Variants in XKR9 observed in about 807,000 individuals in gnomAD.
XKR9 encodes XK related 9.
XKR9 carries 32 observed loss-of-function variants against 32.0 expected under a neutral mutation model. The ratio of observed to expected loss-of-function variants is 1.00; its 90% CI spans 0.76 to 1.34. XKR9 has a LOEUF of 1.34. XKR9 is among the 40% of genes most tolerant of loss of function. The probability of loss-of-function intolerance (pLI) is 0.00; values close to 1 mark genes in which losing one functional copy is unlikely to be tolerated. For synonymous variants in XKR9, 168 were observed against 143.4 expected (o/e 1.17, Z -1.22); for missense variants, 546 against 429.7 (o/e 1.27, Z -2.39).
chr8:70,783,591 G>T (rs746496530), intron 2 of XKR9, among the ~76,000 whole-genome samples: 19 of 152,010 alleles, frequency 1.2e-4, no homozygotes, highest in Admixed American at 8.5e-4. Context: ...TGAGCTCCTT[G>T]TATATTTTGG....
At position 70,748,321 on chromosome 8, in the gene XKR9, C is replaced by T. The variant is rs78173752; in HGVS notation, n.353-41018C>T. Among the ~76,000 whole-genome samples, 62 of 152,292 alleles carry T rather than the reference C, an allele frequency of 4.1e-4. 1 individual carries two copies. The East Asian group carries it at 4.8e-3, about 12-fold the overall frequency. On this transcript the variant is annotated intron_variant and non_coding_transcript_variant, in intron 2 of 3. Coordinates refer to the XKR9 transcript ENST00000520273. ...CTCTAGACCTGGGCATCCCTGCACT[C>T]GCAGGGGCCCAGGAAGCCCCCTTCC...
intron 2 of XKR9, among the ~76,000 whole-genome samples, chr8:70,772,284 C>T (rs1202775146): frequency 6.6e-6 from 1 of 152,156 alleles, no homozygotes; most frequent in Admixed American, 6.5e-5. Context: ...TGGATATTTG[C>T]TGATCTCTGA....
downstream of XKR9, among the ~76,000 whole-genome samples, chr8:70,737,055 C>T (rs13256204): frequency 9.3e-5 from 14 of 151,066 alleles, no homozygotes; most frequent in Admixed American, 2.6e-4. Flanking sequence ...AAATTACCTT[C>T]GGCAGTATGG....
chr8:70,969,040 C>G, the XKR9 span, among the ~76,000 whole-genome samples: 2 of 152,160 alleles, frequency 1.3e-5, no homozygotes, highest in African/African-American at 4.8e-5. Flanking sequence ...GCAGGCTAGA[C>G]AGAGTACAAT....
intron 2 of XKR9, among the ~76,000 whole-genome samples, chr8:70,755,471 G>A (rs554255246): frequency 6.6e-6 from 1 of 152,176 alleles, no homozygotes; most frequent in African/African-American, 2.4e-5. Context: ...TATGTTTATT[G>A]TGGCATTATT....
the XKR9 span, among the ~76,000 whole-genome samples, chr8:70,974,463 A>T: frequency 1.3e-5 from 2 of 151,986 alleles, no homozygotes; most frequent in Non-Finnish European, 2.9e-5. Flanking sequence ...TTATTGTTCA[A>T]TTCCCACCTA....
the XKR9 span, among the ~76,000 whole-genome samples, chr8:70,894,249 C>T: frequency 1.3e-5 from 2 of 151,644 alleles, no homozygotes; most frequent in African/African-American, 4.8e-5. Flanking sequence ...AGACCAGGTG[C>T]AGCAACAGCA....
chr8:70,776,465 A>G (rs1242520486), intron 2 of XKR9, among the ~76,000 whole-genome samples: 1 of 152,036 alleles, frequency 6.6e-6, no homozygotes, highest in African/African-American at 2.4e-5. Flanking sequence ...ATCTTTCATG[A>G]GCTGTCTGGT....
chr8:70,785,076 G>C (rs1366933834), intron 2 of XKR9, among the ~76,000 whole-genome samples: 1 of 152,000 alleles, frequency 6.6e-6, no homozygotes, highest in Non-Finnish European at 1.5e-5. Context: ...AAGACTTTGA[G>C]AAGGGTTGGT....
the XKR9 span, among the ~76,000 whole-genome samples, chr8:71,046,181 T>C: frequency 3.9e-5 from 6 of 152,222 alleles, no homozygotes; most frequent in Admixed American, 1.3e-4. Flanking sequence ...TGGAATATAA[T>C]TGTCACTACT....
intron 2 of XKR9, among the ~76,000 whole-genome samples, chr8:70,680,206 T>G (rs549341660): frequency 8.5e-5 from 13 of 152,268 alleles, no homozygotes; most frequent in African/African-American, 2.9e-4. Context: ...GCTGCTTTAA[T>G]CTTTTTAAAG....
At chr8:70,695,897 G>A (rs1805255245) in intron 3 of XKR9, among the ~76,000 whole-genome samples, 1 of 151,156 alleles carries the variant, frequency 6.6e-6, no homozygotes, top group African/African-American at 2.4e-5. Context: ...GTATCTCATT[G>A]TGGTTTTGAT....
chr8:70,951,867 T>TG, the XKR9 span, among the ~76,000 whole-genome samples: 65,646 of 138,634 alleles, frequency 0.47, 15,277 homozygotes, highest in Non-Finnish European at 0.55. Flanking sequence ...ATAGCATCAT[T>TG]GGGGGGGGGG....
chr8:70,729,692 C>T (rs1447314114), intron 4 of XKR9, among the ~76,000 whole-genome samples: 2 of 151,970 alleles, frequency 1.3e-5, no homozygotes, highest in African/African-American at 4.8e-5. Context: ...CTGTGGTACA[C>T]AATAATTTAA....
the XKR9 span, among the ~76,000 whole-genome samples, chr8:71,024,188 C>A: frequency 1.3e-5 from 2 of 152,174 alleles, no homozygotes; most frequent in East Asian, 3.9e-4. Flanking sequence ...AGGGTGCATG[C>A]AAGTGCACTG....
chr8:70,916,368 C>A, the XKR9 span, among the ~76,000 whole-genome samples: 2 of 152,198 alleles, frequency 1.3e-5, no homozygotes, highest in African/African-American at 2.4e-5. Flanking sequence ...TTGGCCCCTG[C>A]ACATTCTCCA....
the XKR9 span, among the ~76,000 whole-genome samples, chr8:70,814,228 G>T: frequency 3.9e-5 from 6 of 152,104 alleles, no homozygotes; most frequent in South Asian, 1.2e-3. Context: ...TCACTCATAG[G>T]TGGAATTGAA....
At chr8:70,900,054 C>A in the XKR9 span, among the ~76,000 whole-genome samples, 1 of 151,946 alleles carries the variant, frequency 6.6e-6, no homozygotes, top group Admixed American at 6.6e-5. Flanking sequence ...TGACTGGATG[C>A]CTAAAAATGT....
intron 4 of XKR9, among the ~76,000 whole-genome samples, chr8:70,728,832 T>C (rs1272609209): frequency 6.6e-6 from 1 of 152,226 alleles, no homozygotes; most frequent in Non-Finnish European, 1.5e-5. Flanking sequence ...TTAAAATTGA[T>C]TTTGGTGAAC....
Sources: allele counts gnomAD v4.1 joint callset (sites outside exome capture counted in the v4.1 genomes callset), GRCh38; gene constraint gnomAD v4.1.1; transcripts MANE v1.5; gene names NCBI Gene and HGNC (gene_info 2026-07-23, HGNC 2026-07-21).